Variants in ADAM19 observed in about 807,000 individuals in gnomAD.
The protein encoded by ADAM19 is disintegrin and metalloproteinase domain-containing protein 19.
In ADAM19, 65 loss-of-function variants were observed where a neutral mutation model predicts 114.7. The ratio of observed to expected loss-of-function variants is 0.57; its 90% confidence interval spans 0.46 to 0.70. The LOEUF is 0.70. Ranked by LOEUF, ADAM19 falls within the 30% of genes least tolerant of loss-of-function variation. The pLI, the probability that ADAM19 is intolerant of heterozygous loss-of-function variation, is 0.00. For synonymous variants in ADAM19, 466 were observed against 460.5 expected, an observed-to-expected ratio of 1.01 and a Z score of -0.15; for missense variants, 1,063 against 1,204.7, an observed-to-expected ratio of 0.88 and a Z score of 1.74.
At chr5:157,507,204 G>C in intron 9 of ADAM19, 64 bp from the exon 10 acceptor site, 2 of 1,508,248 alleles carry the variant, frequency 1.3e-6, no homozygotes, top group Non-Finnish European at 1.8e-6. Context: ...CAATGTGCCT[G>C]GGAGTAAGTG....
At chr5:157,573,265 T>C (rs1156306663) in intron 1 of ADAM19, among the ~76,000 whole-genome samples, 2 of 152,208 alleles carry the variant, frequency 1.3e-5, no homozygotes, top group Non-Finnish European at 2.9e-5. Context: ...GCAAGCAAGA[T>C]GTCTTCTCAA....
chr5:157,533,786 G>A lies in ADAM19; in HGVS notation c.331-2903C>T, dbSNP rs144540587. Among the ~76,000 whole-genome samples, 43 of 152,152 alleles carry A rather than the reference G, an allele frequency of 2.8e-4. No individual in the cohort carries two copies. The East Asian group carries it at 3.1e-3, about 11-fold the overall frequency. On this transcript the variant is annotated intron_variant, in intron 4 of 22. Coordinates refer to ENST00000257527, the MANE Select transcript of ADAM19 (RefSeq NM_033274.5). ...TCTAGACCATCCTGGCCAACAACAC[G>A]GTGAAACCCTGTCTTTACTAAATAT...
intron 3 of ADAM19, among the ~76,000 whole-genome samples, chr5:157,556,205 TTTTC>T (rs1757362080): frequency 8.2e-6 from 1 of 122,280 alleles, no homozygotes; most frequent in Non-Finnish European, 1.7e-5. Context: ...TTTTTTTTCT[TTTTC>T]TTTTTTTTTT....
intron 3 of ADAM19, among the ~76,000 whole-genome samples, chr5:157,563,329 C>A (rs1026634991): frequency 6.6e-6 from 1 of 152,242 alleles, no homozygotes; most frequent in Admixed American, 6.5e-5. Context: ...ACTGCACAAG[C>A]TGTGAGTTGT....
rs142450212 is a variant in ADAM19 at position 157,539,266 on chromosome 5, AC to A, written c.252-1276del. Among the ~76,000 whole-genome samples, 753 of 152,248 alleles carry A rather than the reference AC, an allele frequency of 4.9e-3. 5 individuals carry two copies. The highest frequency in any genetic ancestry group is 0.017 in the African/African-American group (725 of 41,522). On this transcript the variant is annotated intron_variant, in intron 3 of 22. Coordinates refer to ENST00000257527, the MANE Select transcript of ADAM19 (RefSeq NM_033274.5). Reference sequence around the variant, plus strand: ...AGTTGCATATTTCTGAAGTTGGTTGACTTTTAAATTAACTGTCAGAGAGGTG... The same window carrying A: ...AGTTGCATATTTCTGAAGTTGGTTGATTTTAAATTAACTGTCAGAGAGGTG...
intron 1 of ADAM19, 54 bp from the exon 2 acceptor site, chr5:157,571,034 A>G (rs1325164051): frequency 6.6e-7 from 1 of 1,503,768 alleles, no homozygotes; most frequent in African/African-American, 1.4e-5. Context: ...TACCCCAGCT[A>G]AGCCACACAT....
intron 16 of ADAM19, among the ~76,000 whole-genome samples, chr5:157,492,128 C>A (rs1346556634): frequency 2.0e-5 from 3 of 151,998 alleles, no homozygotes; most frequent in Non-Finnish European, 4.4e-5. Flanking sequence ...TCCATCTCTA[C>A]GAAAAATACA....
At chr5:157,507,707 T>C (rs549045548) in intron 9 of ADAM19, among the ~76,000 whole-genome samples, 9 of 152,338 alleles carry the variant, frequency 5.9e-5, no homozygotes, top group East Asian at 3.9e-4. Flanking sequence ...CAAAGTGCAG[T>C]TGGATGCAAG....
chr5:157,537,788 G>T, intron 4 of ADAM19, 125 bp downstream of exon 4: 1 of 795,554 alleles, frequency 1.3e-6, no homozygotes, highest in Non-Finnish European at 2.0e-6. Context: ...TGCTCCCTTG[G>T]TCTTCGCTTG....
chr5:157,569,437 T>TTTTTG (rs1183071500), intron 2 of ADAM19, among the ~76,000 whole-genome samples: 18 of 146,072 alleles, frequency 1.2e-4, no homozygotes, highest in African/African-American at 4.4e-4. Flanking sequence ...TTTTTTTTTT[T>TTTTTG]TGTAGAGATA....
At chr5:157,562,345 C>A (rs371652290) in intron 3 of ADAM19, among the ~76,000 whole-genome samples, 1 of 152,182 alleles carries the variant, frequency 6.6e-6, no homozygotes, top group Non-Finnish European at 1.5e-5. Flanking sequence ...CAGCCCCATG[C>A]GGCTCAATGG....
At position 157,491,863 on chromosome 5, in the gene ADAM19, C is replaced by G. The variant is rs778063164; in HGVS notation, c.1958G>C (p.Gly653Ala). ...CRNTSFFETE[G>A]CGKKCNGHGV... is the part of the protein sequence containing the mutation. Reference sequence around the variant, plus strand: ...ATGGCCATTGCACTTCTTCCCACAGCCTTCAGTTTCAAAGAAGGAGGTGTT... The same window carrying G: ...ATGGCCATTGCACTTCTTCCCACAGGCTTCAGTTTCAAAGAAGGAGGTGTT... Residue 653 changes from glycine (G) to alanine (A), a missense_variant, in exon 17 of 23, where the codon GGC becomes GCC. Transcript: ENST00000257527. The G allele has an allele frequency of 1.7e-5, 28 of 1,614,108 alleles. No homozygotes were observed. Among genetic ancestry groups the G allele is most frequent in the African/African-American group, 2.7e-5 (2 of 74,932 alleles).
At chr5:157,486,083 T>TA (rs1178704830) in intron 21 of ADAM19, among the ~76,000 whole-genome samples, 1 of 152,122 alleles carries the variant, frequency 6.6e-6, no homozygotes, top group Non-Finnish European at 1.5e-5. Flanking sequence ...GTCCCCCAGC[T>TA]AGGAGGTGGG....
chr5:157,495,068 C>T (rs974625200), intron 14 of ADAM19, among the ~76,000 whole-genome samples: 2 of 152,108 alleles, frequency 1.3e-5, no homozygotes, highest in Admixed American at 1.3e-4. Context: ...CGGCTCATTG[C>T]ATCCTCCGCC....
chr5:157,493,203 G>A, intron 15 of ADAM19, 26 bp from the exon 16 acceptor site: 1 of 1,607,096 alleles, frequency 6.2e-7, no homozygotes, highest in Middle Eastern at 1.7e-4. Context: ...AGAGAGGGAA[G>A]GAAGCGGAAT....
intron 3 of ADAM19, among the ~76,000 whole-genome samples, chr5:157,552,677 CAAAAAAAAAAAAAA>C (rs778402112): frequency 1.7e-5 from 1 of 59,380 alleles, no homozygotes; most frequent in Admixed American, 2.1e-4. Flanking sequence ...GGACTCTACT[CAAAAAAAAAAAAAA>C]AAAAAAAAAA....
chr5:157,501,155 C>A (rs1038936142), intron 12 of ADAM19, among the ~76,000 whole-genome samples: 1 of 152,198 alleles, frequency 6.6e-6, no homozygotes, highest in African/African-American at 2.4e-5. Context: ...TATTCTCCCA[C>A]CATGTTGGGC....
rs1432881451 is a variant in ADAM19, at chr5:157,480,859, G to A, written c.*90C>T. The A allele has an allele frequency of 8.8e-6, 14 of 1,595,772 alleles. No individual in the cohort carries two copies. The highest frequency in any genetic ancestry group is 2.3e-5 in the South Asian group (2 of 88,382). On this transcript the variant is annotated 3_prime_UTR_variant, in exon 23 of 23. Transcript: ENST00000257527. ...AGGAGGGTGGGAGGAGCTCAGAGGC[G>A]GCCAGACATGCTTCTTCAGGGTTCC...
chr5:157,499,481 G>T, intron 13 of ADAM19, 92 bp downstream of exon 13: 1 of 1,109,588 alleles, frequency 9.0e-7, no homozygotes, highest in African/African-American at 1.5e-5. Flanking sequence ...CCCCAGGATG[G>T]AGGCAAATCC....
Sources: gnomAD v4.1 joint callset for allele counts (sites outside exome capture counted in the v4.1 genomes callset) on GRCh38, gnomAD v4.1.1 for gene constraint, MANE v1.5 for transcripts, NCBI Gene and HGNC (gene_info 2026-07-23, HGNC 2026-07-21) for gene names.